Variants in EXOSC8 observed in about 807,000 individuals in gnomAD.
EXOSC8 encodes exosome complex component RRP43.
EXOSC8 carries 37 observed loss-of-function variants against 39.9 expected under a neutral mutation model. The observed-to-expected ratio is 0.93, with a 90% CI of 0.71 to 1.22. The LOEUF (loss-of-function observed/expected upper bound fraction) is 1.22. Among genes scored for constraint, EXOSC8 ranks in the 50% most tolerant of loss-of-function variants. EXOSC8 has a pLI of 0.00. For synonymous variants in EXOSC8, 93 were observed against 109.5 expected, an observed-to-expected ratio of 0.85 and a Z score of 0.94; for missense variants, 313 against 326.6, an observed-to-expected ratio of 0.96 and a Z score of 0.32.
Position 37,009,500 on chromosome 13 carries a change from A to C in EXOSC8, c.*201A>C. The C allele has an allele frequency of 1.1e-6, 1 of 920,600 alleles. No homozygotes were observed. Among genetic ancestry groups the C allele is most frequent in the Non-Finnish European group, 1.7e-6 (1 of 605,528 alleles). 57.0% of individuals were successfully genotyped at this position (920,600 alleles called of 1,614,324 possible). A position where few individuals can be genotyped will look rare whatever the true frequency, so the allele number is the denominator to read the frequency against. On this transcript the variant is annotated 3_prime_UTR_variant, in exon 11 of 11. Transcript: ENST00000389704. ...TTAGGCAAACCAACCCTAGTTTGTT[A>C]AACCATTTCCCTGTTTTTATTTAAA... is the stretch of plus-strand genomic sequence containing the variant.
chr13:37,001,546 T>TA (rs2059105259), intron 1 of EXOSC8: 1 of 152,220 alleles, frequency 6.6e-6, no homozygotes, highest in Non-Finnish European at 1.5e-5. Context: ...TTAAAGTTTT[T>TA]AAAAAATGGA....
intron 1 of EXOSC8, chr13:37,001,329 A>G (rs2059102774): frequency 6.5e-6 from 1 of 152,698 alleles, no homozygotes; most frequent in Non-Finnish European, 1.5e-5. Context: ...GAATCGCTTG[A>G]ACCCGGGAGG....
intron 8 of EXOSC8, among the ~76,000 whole-genome samples, chr13:37,007,612 T>G (rs1205389536): frequency 6.6e-6 from 1 of 152,136 alleles, no homozygotes; most frequent in Non-Finnish European, 1.5e-5. Flanking sequence ...AGTGGTTAAG[T>G]GAATTGGAGG....
chr13:37,001,398 G>C (rs1370802997), intron 1 of EXOSC8: 1 of 152,326 alleles, frequency 6.6e-6, no homozygotes, highest in Non-Finnish European at 1.5e-5. Context: ...GACAGAGTGA[G>C]ACTCTGTCAG....
intron 10 of EXOSC8, 98 bp from the exon 11 acceptor site, chr13:37,009,086 T>A (rs1345489919): frequency 1.2e-6 from 1 of 803,206 alleles, no homozygotes; most frequent in Non-Finnish European, 2.0e-6. Flanking sequence ...CTGATTTACA[T>A]TATCCAATTT....
At chr13:37,007,721 G>A (rs1049003282) in intron 8 of EXOSC8, among the ~76,000 whole-genome samples, 2 of 151,766 alleles carry the variant, frequency 1.3e-5, no homozygotes, top group Non-Finnish European at 2.9e-5. Flanking sequence ...AATAAAATAG[G>A]GATAATAGTA....
In EXOSC8 at chr13:37,009,262, T is replaced by G. The variant is rs1459072983; in HGVS notation, c.794T>G (p.Leu265Arg). The change falls in exon 11 of 11, where the codon CTG (leucine) becomes CGG (arginine). Residue 265 changes from leucine to arginine, a missense_variant. By Grantham distance (102) the Leu-to-Arg change is moderately radical. Coordinates refer to ENST00000389704, the MANE Select transcript of EXOSC8 (RefSeq NM_181503.3). ...ACAAGACACAAAGAAGTTAAAAAACTGATGGATGAAGTAATTAAGAGTATG... is the reference window on the plus strand; with the variant it reads ...ACAAGACACAAAGAAGTTAAAAAACGGATGGATGAAGTAATTAAGAGTATG... ...AVTRHKEVKK[L>R]MDEVIKSMKP... is the part of the protein sequence containing the mutation. 6 of 1,611,790 alleles carry G rather than the reference T, an allele frequency of 3.7e-6. No homozygotes were observed. The highest frequency in any genetic ancestry group is 5.1e-6 in the Non-Finnish European group (6 of 1,178,128).
At chr13:37,006,255 A>C in intron 7 of EXOSC8, 95 bp downstream of exon 7, 2 of 778,746 alleles carry the variant, frequency 2.6e-6, no homozygotes, top group South Asian at 3.5e-5. Context: ...ACCACCAATC[A>C]AAGTAGCTTT....
chr13:37,005,862 C>CAAAA (rs59234766), intron 5 of EXOSC8, 58 bp from the exon 6 acceptor site: 714 of 296,136 alleles, frequency 2.4e-3, no homozygotes, highest in East Asian at 3.9e-3. Flanking sequence ...GACTCCATCT[C>CAAAA]AAAAAAAAAA....
At chr13:37,005,360 G>A (rs1403044173) in intron 5 of EXOSC8, among the ~76,000 whole-genome samples, 1 of 152,022 alleles carries the variant, frequency 6.6e-6, no homozygotes, top group Non-Finnish European at 1.5e-5. Flanking sequence ...AACTCGTAAA[G>A]GATTTAGAAT....
At chr13:37,005,339 G>GAT (rs1321402585) in intron 5 of EXOSC8, among the ~76,000 whole-genome samples, 7 of 152,070 alleles carry the variant, frequency 4.6e-5, no homozygotes, top group African/African-American at 1.4e-4. Flanking sequence ...TATTTTGAAA[G>GAT]ATACCAGGAA....
At chr13:37,005,163 T>C (rs2059130206) in intron 5 of EXOSC8, among the ~76,000 whole-genome samples, 1 of 152,200 alleles carries the variant, frequency 6.6e-6, no homozygotes, top group East Asian at 1.9e-4. Context: ...GAACTGTCAT[T>C]GCACACCTTT....
At chr13:37,007,967 A>C in intron 8 of EXOSC8, 90 bp from the exon 9 acceptor site, 1 of 963,068 alleles carries the variant, frequency 1.0e-6, no homozygotes, top group South Asian at 1.5e-5. Flanking sequence ...GGCAAGTTAA[A>C]TAGAGGGAAA....
chr13:37,007,026 A>G lies in EXOSC8; in HGVS notation c.442A>G (p.Ile148Val), dbSNP rs1555254477. ...DLICLDYDGN[I>V]LDACTFALLA... ...CATTTGCCTCGACTACGATGGAAAC[A>G]TTTTGGATGCCTGCACATTTGCTTT... is the stretch of plus-strand genomic sequence containing the variant. Residue 148 changes from isoleucine (I) to valine (V), a missense_variant, in exon 8 of 11, where the codon ATT becomes GTT. Transcript: ENST00000389704. The G allele has an allele frequency of 1.2e-6, 2 of 1,613,746 alleles. No individual in the cohort carries two copies. The highest frequency in any genetic ancestry group is 1.7e-6 in the Non-Finnish European group (2 of 1,179,714).
intron 10 of EXOSC8, 73 bp downstream of exon 10, chr13:37,008,908 C>A: frequency 1.1e-6 from 1 of 925,082 alleles, no homozygotes; most frequent in Non-Finnish European, 1.8e-6. Context: ...TAGGGAGGGC[C>A]AAATAGAATA....
intron 1 of EXOSC8, among the ~76,000 whole-genome samples, chr13:37,001,141 G>A (rs2059100574): frequency 6.6e-6 from 1 of 152,218 alleles, no homozygotes; most frequent in Admixed American, 6.5e-5. Flanking sequence ...CGGGCGCGGC[G>A]GTTCACGCCT....
Position 37,008,052 on chromosome 13 carries a change from C to A in EXOSC8, c.488-5C>A, listed in dbSNP as rs576415848. 105 of 1,580,302 alleles carry A rather than the reference C, an allele frequency of 6.6e-5. No individual in the cohort carries two copies. In the South Asian group the frequency reaches 1.1e-3, roughly 17 times the overall value. The stretch of plus-strand genomic sequence containing the variant: ...TACTTACTTTACAAATTTGCCTTTT[C>A]TTAGTACAGTTGCCTGAAGTTACTA... On this transcript the variant is annotated splice_polypyrimidine_tract_variant and splice_region_variant and intron_variant, in intron 8 of 10. Transcript: ENST00000389704.
Position 37,004,333 on chromosome 13 carries a change from A to G in EXOSC8, c.193-183A>G, listed in dbSNP as rs1432026203. The G allele has an allele frequency of 7.6e-6, 4 of 523,542 alleles. No individual in the cohort carries two copies. In the East Asian group the frequency reaches 9.3e-5, roughly 12 times the overall value. 32.4% of individuals were successfully genotyped at this position (523,542 alleles called of 1,614,324 possible). ...GCCGAGCAGCACTGTAGTGTAGTCC[A>G]CTGTACTGTAGTGCCTTCTTATCTT... On this transcript the variant is annotated intron_variant, in intron 4 of 10. Transcript: ENST00000389704.
chr13:37,003,018 A>C lies in EXOSC8; in HGVS notation c.192+11A>C. The C allele has an allele frequency of 6.7e-7, 1 of 1,489,072 alleles. No homozygotes were observed. Among genetic ancestry groups the C allele is most frequent in the Non-Finnish European group, 9.4e-7 (1 of 1,066,644 alleles). 92.2% of individuals were successfully genotyped at this position (1,489,072 alleles called of 1,614,324 possible). On this transcript the variant is annotated intron_variant, in intron 4 of 10. Coordinates refer to ENST00000389704, the MANE Select transcript of EXOSC8 (RefSeq NM_181503.3). ...TGTGGAGTTAAAGCAGTAAGTCTAA[A>C]TATGTCCTATTGAGATTTGAGTTAC... is the stretch of plus-strand genomic sequence containing the variant.
Sources: gnomAD v4.1 joint callset for allele counts (sites outside exome capture counted in the v4.1 genomes callset) on GRCh38, gnomAD v4.1.1 for gene constraint, MANE v1.5 for transcripts, NCBI Gene and HGNC (gene_info 2026-07-23, HGNC 2026-07-21) for gene names.